ERO1B: variants seen among roughly 807,000 people sequenced by gnomAD.
ERO1B encodes the protein ERO1-like protein beta.
ERO1B carries 49 observed loss-of-function variants against 75.3 expected under a neutral mutation model. That is an observed-to-expected ratio of 0.65 (90% confidence interval 0.52 to 0.83). The LOEUF (loss-of-function observed/expected upper bound fraction) is 0.83, where lower values mean the gene tolerates loss of function less well. ERO1B is among the 40% of genes least tolerant of loss of function. The pLI, the probability that ERO1B is intolerant of heterozygous loss-of-function variation, is 0.00. For missense variants in ERO1B, 512 were observed against 560.1 expected (o/e 0.91, Z 0.87); for synonymous variants, 191 against 192.9 (o/e 0.99, Z 0.08).
intron 2 of ERO1B, among the ~76,000 whole-genome samples, chr1:236,265,323 T>C (rs1304922731): frequency 6.6e-6 from 1 of 152,212 alleles, no homozygotes; most frequent in Non-Finnish European, 1.5e-5. Context: ...TCAACATCAA[T>C]GCAAGAATCA....
At chr1:236,226,200 T>C (rs12023983) in intron 12 of ERO1B, 69 bp downstream of exon 12, 6 of 1,524,670 alleles carry the variant, frequency 3.9e-6, no homozygotes, top group Non-Finnish European at 5.3e-6. Flanking sequence ...TCAGTTTTTG[T>C]GTACTTTAAG....
chr1:236,267,524 G>T lies in ERO1B; in HGVS notation c.222+2351C>A, dbSNP rs547611087. On this transcript the variant is annotated intron_variant, in intron 2 of 15. Transcript: ENST00000354619. ...AAACCCAAAGTGAAGGAGTGAAAGA[G>T]TGAGGGACATAACATTATGTAGAGA... Among the ~76,000 whole-genome samples, 23 of 152,274 alleles carry T rather than the reference G, an allele frequency of 1.5e-4. No individual in the cohort carries two copies. The South Asian group carries it at 4.4e-3, about 29-fold the overall frequency.
chr1:236,239,487 G>A (rs1248824816), intron 6 of ERO1B, among the ~76,000 whole-genome samples: 1 of 152,064 alleles, frequency 6.6e-6, no homozygotes, highest in Non-Finnish European at 1.5e-5. Context: ...GACATCCAGA[G>A]TGAGCAACGT....
At chr1:236,251,257 A>C (rs1281362070) in intron 4 of ERO1B, among the ~76,000 whole-genome samples, 1 of 152,122 alleles carries the variant, frequency 6.6e-6, no homozygotes, top group Non-Finnish European at 1.5e-5. Flanking sequence ...TTGTGGATAC[A>C]CATGCAATAA....
intron 3 of ERO1B, among the ~76,000 whole-genome samples, chr1:236,253,105 C>T (rs531608533): frequency 1.4e-4 from 21 of 151,620 alleles, no homozygotes; most frequent in Non-Finnish European, 3.1e-4. Flanking sequence ...AAACAAGATG[C>T]TGATTCAATA....
In ERO1B at chr1:236,217,368, CACAGAAAGTCCTCTGTTGGT is replaced by C. The variant is rs1664017523; in HGVS notation, c.*1128_*1147del. 6.8e-5 allele frequency: 3 copies of C among 44,274 alleles called. No homozygotes were observed. The highest frequency in any genetic ancestry group is 1.9e-4 in the African/African-American group (2 of 10,640). The allele number at this position is 44,274 out of a possible 1,614,324, so 2.7% of individuals were successfully genotyped here. ...ACAGTTTAGGACTGTTGGTATGAAT[CACAGAAAGTCCTCTGTTGGT>C]ATGAATCACAGAAAGTACCGTTTAT... On this transcript the variant is annotated 3_prime_UTR_variant, in exon 16 of 16. Transcript: ENST00000354619.
intron 6 of ERO1B, among the ~76,000 whole-genome samples, chr1:236,243,177 G>C (rs1664753331): frequency 6.6e-6 from 1 of 152,060 alleles, no homozygotes; most frequent in Non-Finnish European, 1.5e-5. Flanking sequence ...TTCAGACTCA[G>C]TTTTCTCAGA....
chr1:236,225,265 T>G, intron 12 of ERO1B, 126 bp from the exon 13 acceptor site: 2 of 890,364 alleles, frequency 2.2e-6, no homozygotes, highest in Non-Finnish European at 3.5e-6. Context: ...ATGTAAGTTT[T>G]GGTAATGTAG....
At chr1:236,264,559 G>A (rs973447648) in intron 2 of ERO1B, among the ~76,000 whole-genome samples, 1 of 152,094 alleles carries the variant, frequency 6.6e-6, no homozygotes, top group Non-Finnish European at 1.5e-5. Flanking sequence ...GAAGGGTGGG[G>A]TGGGCCAGGC....
intron 6 of ERO1B, 32 bp from the exon 7 acceptor site, chr1:236,236,430 A>G (rs1664549430): frequency 6.2e-7 from 1 of 1,609,504 alleles, no homozygotes; most frequent in African/African-American, 1.3e-5. Flanking sequence ...AAAACCATCC[A>G]TATTTCACCA....
chr1:236,278,039 T>A (rs150111258), intron 1 of ERO1B, among the ~76,000 whole-genome samples: 3 of 152,322 alleles, frequency 2.0e-5, no homozygotes, highest in African/African-American at 7.2e-5. Flanking sequence ...GGTGCCCTGT[T>A]TCCTTGGGTG....
chr1:236,241,001 AAG>A (rs1276540953), intron 6 of ERO1B, among the ~76,000 whole-genome samples: 1 of 152,138 alleles, frequency 6.6e-6, no homozygotes, highest in Admixed American at 6.5e-5. Flanking sequence ...AACAACAAAA[AAG>A]AGTGGTAGGG....
At chr1:236,219,575 G>A (rs1664083389) in intron 15 of ERO1B, among the ~76,000 whole-genome samples, 1 of 152,010 alleles carries the variant, frequency 6.6e-6, no homozygotes, top group African/African-American at 2.4e-5. Flanking sequence ...AGTATCTCCT[G>A]TGTTATCTTT....
intron 6 of ERO1B, among the ~76,000 whole-genome samples, chr1:236,241,420 T>C (rs2463200): frequency 0.32 from 48,255 of 151,848 alleles, 8,300 homozygotes; most frequent in East Asian, 0.77. Context: ...TGGTGGTGCA[T>C]GCCTGTAATC....
intron 8 of ERO1B, among the ~76,000 whole-genome samples, chr1:236,234,127 G>A (rs186093292): frequency 1.1e-4 from 17 of 152,304 alleles, no homozygotes; most frequent in Non-Finnish European, 2.4e-4. Context: ...GCAACAGCAA[G>A]AGCTATTAAT....
intron 6 of ERO1B, among the ~76,000 whole-genome samples, chr1:236,242,197 T>TAATAC: frequency 6.6e-6 from 1 of 152,040 alleles, no homozygotes; most frequent in Non-Finnish European, 1.5e-5. Context: ...AAGAGTAATA[T>TAATAC]ATAGTCACAC....
At chr1:236,258,232 G>C (rs1665210736) in intron 2 of ERO1B, among the ~76,000 whole-genome samples, 1 of 145,090 alleles carries the variant, frequency 6.9e-6, no homozygotes, top group South Asian at 2.2e-4. Context: ...CACACCAAAA[G>C]ACGTTATTAT....
At chr1:236,239,811 G>A (rs12068528) in intron 6 of ERO1B, among the ~76,000 whole-genome samples, 4,775 of 59,322 alleles carry the variant, frequency 0.08, 411 homozygotes, top group East Asian at 0.41. Flanking sequence ...ATATATGTGT[G>A]TATATATATA....
At chr1:236,242,226 C>T (rs1272221204) in intron 6 of ERO1B, among the ~76,000 whole-genome samples, 1 of 151,968 alleles carries the variant, frequency 6.6e-6, no homozygotes, top group African/African-American at 2.4e-5. Flanking sequence ...AATTTGAAAA[C>T]CTATTAAATA....
Sources: gnomAD v4.1 joint callset for allele counts (sites outside exome capture counted in the v4.1 genomes callset) on GRCh38, gnomAD v4.1.1 for gene constraint, MANE v1.5 for transcripts, NCBI Gene and HGNC (gene_info 2026-07-23, HGNC 2026-07-21) for gene names.